The following CPNE3 variants were observed in gnomAD, a reference collection of about 807,000 sequenced individuals.
The protein encoded by CPNE3 is copine 3.
CPNE3 carries 68 observed loss-of-function variants against 63.9 expected under a neutral mutation model. The ratio of observed to expected loss-of-function variants is 1.06; its 90% CI spans 0.87 to 1.30. The LOEUF (loss-of-function observed/expected upper bound fraction) is 1.30. Among genes scored for constraint, CPNE3 ranks in the 50% most tolerant of loss-of-function variants. The probability of loss-of-function intolerance (pLI) is 0.00; values close to 1 mark genes in which losing one functional copy is unlikely to be tolerated. For synonymous variants in CPNE3, 219 were observed against 197.5 expected, an observed-to-expected ratio of 1.11 and a Z score of -0.91; for missense variants, 665 against 578.1, an observed-to-expected ratio of 1.15 and a Z score of -1.54.
chr8:86,549,510 G>A (rs963329993), intron 12 of CPNE3, among the ~76,000 whole-genome samples: 7 of 152,046 alleles, frequency 4.6e-5, no homozygotes, highest in African/African-American at 7.2e-5. Context: ...TTAGGGGAGG[G>A]GGTTGTAAAA....
At chr8:86,551,310 G>GTT in intron 14 of CPNE3, 76 bp downstream of exon 14, 1 of 1,054,154 alleles carries the variant, frequency 9.5e-7, no homozygotes, top group Non-Finnish European at 1.4e-6. Flanking sequence ...TTTGTTCTTT[G>GTT]TTTTTTTTCT....
intron 2 of CPNE3, chr8:86,521,551 G>T (rs1022085804): frequency 8.6e-5 from 13 of 151,974 alleles, no homozygotes; most frequent in African/African-American, 2.9e-4. Flanking sequence ...AATCATAATT[G>T]TTTACATCTA....
intron 16 of CPNE3, among the ~76,000 whole-genome samples, chr8:86,557,884 T>G (rs58399875): frequency 0.025 from 3,787 of 152,248 alleles, 137 homozygotes; most frequent in African/African-American, 0.085. Context: ...ATGTTACCTT[T>G]GGAGGAATCT....
chr8:86,537,515 TG>T, intron 6 of CPNE3, 47 bp from the exon 7 acceptor site: 6 of 1,152,976 alleles, frequency 5.2e-6, no homozygotes, highest in Non-Finnish European at 7.9e-6. Context: ...CATGGTTTCA[TG>T]GGTTCAGAGG....
At chr8:86,557,670 C>T (rs1399248075) in intron 16 of CPNE3, among the ~76,000 whole-genome samples, 1 of 152,078 alleles carries the variant, frequency 6.6e-6, no homozygotes, top group Non-Finnish European at 1.5e-5. Context: ...TGAGGCAGTT[C>T]TGTATCTCAA....
chr8:86,555,686 C>A (rs75589659), intron 15 of CPNE3, among the ~76,000 whole-genome samples: 13,350 of 151,774 alleles, frequency 0.088, 784 homozygotes, highest in Middle Eastern at 0.16. Flanking sequence ...TGTATTTTAG[C>A]TTCTAAAATT....
intron 7 of CPNE3, among the ~76,000 whole-genome samples, chr8:86,539,559 A>G (rs1029118710): frequency 3.3e-5 from 5 of 151,934 alleles, no homozygotes; most frequent in East Asian, 3.9e-4. Context: ...CAATTCCAAC[A>G]TAGTTTCTTA....
chr8:86,536,046 G>A (rs1051308635), intron 6 of CPNE3, among the ~76,000 whole-genome samples: 5 of 151,684 alleles, frequency 3.3e-5, no homozygotes, highest in African/African-American at 1.2e-4. Context: ...AAATTTACAT[G>A]GCTCTAAAAT....
At chr8:86,537,297 C>T (rs1471110572) in intron 6 of CPNE3, among the ~76,000 whole-genome samples, 1 of 151,996 alleles carries the variant, frequency 6.6e-6, no homozygotes, top group Admixed American at 6.6e-5. Flanking sequence ...TATATTTGAC[C>T]ACTGTATTTT....
intron 2 of CPNE3, chr8:86,525,121 C>G (rs1820514548): frequency 6.6e-6 from 1 of 152,262 alleles, no homozygotes; most frequent in Non-Finnish European, 1.5e-5. Context: ...TCCCGAAATG[C>G]TGGGATTACA....
rs1276528712 is a variant in CPNE3, at chr8:86,532,564, G to A, written c.443G>A (p.Arg148Lys). ...GTGGTCTTGTTTGAAATGGAAGCCA[G>A]AAAACTGGATAATAAGGTGGGTAGA... is the stretch of plus-strand genomic sequence containing the variant. ...NRVVLFEMEA[R>K]KLDNKDLFGK... Residue 148 changes from arginine to lysine, a missense_variant, in exon 6 of 17, where the codon AGA becomes AAA. Transcript: ENST00000517490. 1.2e-6 allele frequency: 2 copies of A among 1,613,004 alleles called. No homozygotes were observed. Among genetic ancestry groups the A allele is most frequent in the East Asian group, 2.2e-5 (1 of 44,732 alleles).
intron 6 of CPNE3, among the ~76,000 whole-genome samples, chr8:86,536,988 T>A (rs1820816837): frequency 6.6e-6 from 1 of 152,196 alleles, no homozygotes; most frequent in Non-Finnish European, 1.5e-5. Context: ...GTTTCTATTA[T>A]GTGTTCCACA....
At chr8:86,556,559 ACTCT>A (rs967447468) in intron 16 of CPNE3, among the ~76,000 whole-genome samples, 2 of 152,080 alleles carry the variant, frequency 1.3e-5, no homozygotes, top group Non-Finnish European at 2.9e-5. Flanking sequence ...TAGTATTGTG[ACTCT>A]CTCAAGTATT....
At chr8:86,535,102 A>G (rs1820775080) in intron 6 of CPNE3, among the ~76,000 whole-genome samples, 1 of 152,164 alleles carries the variant, frequency 6.6e-6, no homozygotes, top group Non-Finnish European at 1.5e-5. Flanking sequence ...AAGAGCTTCA[A>G]AGAACTTCTT....
rs191578582 is a variant in CPNE3 at position 86,542,374 on chromosome 8, T to G, written c.633+2040T>G. Among the ~76,000 whole-genome samples, 393 of 152,302 alleles carry G rather than the reference T, an allele frequency of 2.6e-3. 3 individuals carry two copies. The highest frequency in any genetic ancestry group is 0.014 in the Middle Eastern group (4 of 294). The stretch of plus-strand genomic sequence containing the variant: ...ATGTATTATTTTCATTAAGATCAAG[T>G]GAATACGAAAAATAATCATGCATGC... On this transcript the variant is annotated intron_variant, in intron 8 of 16. Coordinates refer to ENST00000517490, the MANE Select transcript of CPNE3 (RefSeq NM_003909.5).
chr8:86,552,149 T>C (rs548199881), intron 14 of CPNE3, among the ~76,000 whole-genome samples: 1 of 152,232 alleles, frequency 6.6e-6, no homozygotes, highest in South Asian at 2.1e-4. Flanking sequence ...ATACTCTAAT[T>C]TTCTGCAAAG....
chr8:86,541,871 T>C (rs978786606), intron 8 of CPNE3, among the ~76,000 whole-genome samples: 5 of 152,158 alleles, frequency 3.3e-5, no homozygotes, highest in African/African-American at 4.8e-5. Flanking sequence ...ATAAAAATTA[T>C]TTTTTATCAT....
In CPNE3 at chr8:86,561,364, A is replaced by G. The variant is rs1256322500; in HGVS notation, c.*2954A>G. 1 of 152,230 alleles carries G rather than the reference A, an allele frequency of 6.6e-6. No homozygotes were observed. Among genetic ancestry groups the G allele is most frequent in the Non-Finnish European group, 1.5e-5 (1 of 68,042 alleles). The allele number at this position is 152,230 out of a possible 1,614,324, so 9.4% of individuals were successfully genotyped here. On this transcript the variant is annotated 3_prime_UTR_variant, in exon 17 of 17. Coordinates refer to ENST00000517490, the MANE Select transcript of CPNE3 (RefSeq NM_003909.5). Reference sequence around the variant, plus strand: ...TTACTAATATATGAATTGATGCTAAATATATCTTACATTTGAATTCCTTTT... The same window carrying G: ...TTACTAATATATGAATTGATGCTAAGTATATCTTACATTTGAATTCCTTTT...
intron 9 of CPNE3, chr8:86,545,425 T>C (rs1035558966): frequency 2.0e-5 from 3 of 152,334 alleles, no homozygotes; most frequent in Non-Finnish European, 4.4e-5. Context: ...AGAGCACTTA[T>C]GGAGCCTGAA....
Sources: allele counts gnomAD v4.1 joint callset (sites outside exome capture counted in the v4.1 genomes callset), GRCh38; gene constraint gnomAD v4.1.1; transcripts MANE v1.5; gene names NCBI Gene and HGNC (gene_info 2026-07-23, HGNC 2026-07-21).